The following ANKS1A variants were observed in gnomAD, a reference collection of about 807,000 sequenced individuals.
ANKS1A encodes ankyrin repeat and SAM domain-containing protein 1A.
ANKS1A carries 55 observed loss-of-function variants against 120.3 expected under a neutral mutation model. That is an observed-to-expected ratio of 0.46 (90% CI 0.37 to 0.57). The LOEUF (loss-of-function observed/expected upper bound fraction) is 0.57, where lower values mean the gene tolerates loss of function less well. Ranked by LOEUF, ANKS1A falls within the 20% of genes least tolerant of loss-of-function variation. The pLI, the probability that ANKS1A is intolerant of heterozygous loss-of-function variation, is 0.00. For synonymous variants in ANKS1A, 590 were observed against 604.7 expected, an observed-to-expected ratio of 0.98 and a Z score of 0.36; for missense variants, 1,123 against 1,480.3, an observed-to-expected ratio of 0.76 and a Z score of 3.96.
At chr6:34,974,425 C>T (rs1379912738) in intron 3 of ANKS1A, among the ~76,000 whole-genome samples, 1 of 140,592 alleles carries the variant, frequency 7.1e-6, no homozygotes, top group Non-Finnish European at 1.5e-5. Context: ...TTCCCTTCCC[C>T]TTTCCTTTCT....
chr6:35,078,897 G>GTCATGA (rs1242871230), intron 14 of ANKS1A, among the ~76,000 whole-genome samples: 6 of 152,246 alleles, frequency 3.9e-5, no homozygotes, highest in Non-Finnish European at 5.9e-5. Flanking sequence ...CTCCTCTGGG[G>GTCATGA]TCATGAGGAG....
At chr6:34,932,720 T>C (rs1460500194) in intron 1 of ANKS1A, among the ~76,000 whole-genome samples, 9 of 152,228 alleles carry the variant, frequency 5.9e-5, no homozygotes, top group Non-Finnish European at 1.3e-4. Context: ...TATTCCATTG[T>C]ATGAGTATAC....
intron 13 of ANKS1A, among the ~76,000 whole-genome samples, chr6:35,072,984 C>T (rs1777155015): frequency 1.3e-5 from 2 of 152,206 alleles, no homozygotes; most frequent in African/African-American, 2.4e-5. Context: ...AGTCCCTTTG[C>T]CATGCTCTAG....
intron 10 of ANKS1A, among the ~76,000 whole-genome samples, chr6:35,006,187 TA>T (rs35521731): frequency 0.24 from 30,659 of 128,176 alleles, 4,608 homozygotes; most frequent in East Asian, 0.45. Context: ...GACTCTGTCT[TA>T]AAAAAAAAAA....
At chr6:35,048,030 A>G (rs1371256963) in intron 11 of ANKS1A, among the ~76,000 whole-genome samples, 2 of 152,210 alleles carry the variant, frequency 1.3e-5, no homozygotes, top group Admixed American at 6.5e-5. Context: ...CAAGAGGTAT[A>G]GGAAAGACAA....
intron 10 of ANKS1A, among the ~76,000 whole-genome samples, chr6:35,002,817 G>A (rs1773242058): frequency 6.6e-6 from 1 of 151,748 alleles, no homozygotes; most frequent in Non-Finnish European, 1.5e-5. Flanking sequence ...CATTCTGTAG[G>A]ATGACTTAGT....
chr6:34,981,653 T>C, intron 3 of ANKS1A, 37 bp from the exon 4 acceptor site: 1 of 1,595,554 alleles, frequency 6.3e-7, no homozygotes, highest in Non-Finnish European at 8.6e-7. Flanking sequence ...TGTCTGCCAG[T>C]GACCTTTCTG....
At chr6:35,034,453 G>A (rs1775056113) in intron 11 of ANKS1A, among the ~76,000 whole-genome samples, 4 of 152,184 alleles carry the variant, frequency 2.6e-5, no homozygotes, top group African/African-American at 4.8e-5. Flanking sequence ...ACTCATTGAC[G>A]TTAGTCAGAG....
chr6:34,983,656 T>C lies in ANKS1A; in HGVS notation c.1012+231T>C, dbSNP rs372141654. Reference sequence around the variant, plus strand: ...TTTATTTTAGCCTCCACTTTTCCAGTTGGCTCTGTGAGATCTATTCTGAGA... The same window carrying C: ...TTTATTTTAGCCTCCACTTTTCCAGCTGGCTCTGTGAGATCTATTCTGAGA... On this transcript the variant is annotated intron_variant, in intron 7 of 23. Transcript: ENST00000360359. 6.2e-4 allele frequency among the ~76,000 whole-genome samples: 94 copies of C among 152,316 alleles called. 3 individuals are homozygous for C. In the South Asian group the frequency reaches 0.018, roughly 30 times the overall value.
At chr6:34,988,813 A>G (rs545615115) in intron 8 of ANKS1A, among the ~76,000 whole-genome samples, 7 of 152,312 alleles carry the variant, frequency 4.6e-5, no homozygotes, top group African/African-American at 1.7e-4. Context: ...TGTTAGAACA[A>G]ATTTCACAGG....
At position 35,088,510 on chromosome 6, in the gene ANKS1A, C is replaced by T. The variant is rs572127116; in HGVS notation, c.3402-96C>T. On this transcript the variant is annotated intron_variant, in intron 23 of 23. Transcript: ENST00000360359. ...GTGCCCCGGGGAGGCTGTGAGGGAT[C>T]GTCTGTCCTGCTCTGTGTTTCCTTT... The T allele has an allele frequency of 1.5e-5, 23 of 1,519,146 alleles. No individual in the cohort carries two copies. In the Admixed American group the frequency reaches 1.7e-4, roughly 11 times the overall value. The allele number at this position is 1,519,146 out of a possible 1,614,324, so 94.1% of individuals were successfully genotyped here. A position where few individuals can be genotyped will look rare whatever the true frequency, so the allele number is the denominator to read the frequency against.
At position 35,081,174 on chromosome 6, in the gene ANKS1A, T is replaced by G; in HGVS notation, c.2709+16T>G. On this transcript the variant is annotated intron_variant, in intron 17 of 23. Transcript: ENST00000360359. ...CAGGATCCAGGTGGGGCAGGGGGAG[T>G]GGAGGTGCAGCCAGGCTCTACCTCA... The G allele has an allele frequency of 6.3e-7, 1 of 1,597,976 alleles. No homozygotes were observed. The highest frequency in any genetic ancestry group is 1.3e-5 in the African/African-American group (1 of 74,606).
chr6:35,073,156 TG>T (rs1777161420), intron 13 of ANKS1A, among the ~76,000 whole-genome samples: 1 of 152,200 alleles, frequency 6.6e-6, no homozygotes, highest in Non-Finnish European at 1.5e-5. Flanking sequence ...TCAGTATCAC[TG>T]GCCCGCATCT....
chr6:35,046,510 C>G (rs892859805), intron 11 of ANKS1A, among the ~76,000 whole-genome samples: 9 of 152,174 alleles, frequency 5.9e-5, no homozygotes, highest in African/African-American at 2.2e-4. Flanking sequence ...ACTTTTCAAA[C>G]TACAGAAAAC....
Position 34,956,889 on chromosome 6 carries a change from C to T in ANKS1A, c.198-10350C>T, listed in dbSNP as rs1203322726. 2.6e-5 allele frequency among the ~76,000 whole-genome samples: 4 copies of T among 152,278 alleles called. No homozygotes were observed. In the East Asian group the frequency reaches 7.7e-4, roughly 29 times the overall value. On this transcript the variant is annotated intron_variant, in intron 1 of 23. Transcript: ENST00000360359. ...TAGTCCCTGGCTGTCCTGGATGTGACAGCAGACCTGGTGGTCTAACACCTC... is the reference window on the plus strand; with the variant it reads ...TAGTCCCTGGCTGTCCTGGATGTGATAGCAGACCTGGTGGTCTAACACCTC...
chr6:34,924,432 C>G (rs976783860), intron 1 of ANKS1A, among the ~76,000 whole-genome samples: 1 of 152,128 alleles, frequency 6.6e-6, no homozygotes, highest in Non-Finnish European at 1.5e-5. Flanking sequence ...AAGGCATTTT[C>G]CTGTTTTTCT....
downstream of ANKS1A, among the ~76,000 whole-genome samples, chr6:35,093,467 C>T (rs1288862301): frequency 6.6e-6 from 1 of 151,824 alleles, no homozygotes; most frequent in Non-Finnish European, 1.5e-5. Context: ...GTTATAAAAC[C>T]CTGAATCCAT....
intron 2 of ANKS1A, 111 bp downstream of exon 2, chr6:34,967,430 G>A: frequency 4.0e-6 from 4 of 1,004,766 alleles, no homozygotes; most frequent in South Asian, 3.1e-5. Context: ...GCTCATGCCT[G>A]TAATCCCAGC....
intron 9 of ANKS1A, among the ~76,000 whole-genome samples, chr6:34,992,515 C>T (rs77976427): frequency 1.3e-5 from 2 of 152,164 alleles, no homozygotes; most frequent in Non-Finnish European, 2.9e-5. Context: ...GTGTGCGGAA[C>T]ACTCACTGAA....
Sources: gnomAD v4.1 joint callset for allele counts (sites outside exome capture counted in the v4.1 genomes callset) on GRCh38, gnomAD v4.1.1 for gene constraint, MANE v1.5 for transcripts, NCBI Gene and HGNC (gene_info 2026-07-23, HGNC 2026-07-21) for gene names.